The following GCNT2 variants were observed in gnomAD, a reference collection of about 807,000 sequenced individuals.
GCNT2 encodes the protein N-acetyllactosaminide beta-1,6-N-acetylglucosaminyl-transferase.
Under a neutral mutation model 34.2 loss-of-function variants are expected in GCNT2, and 34 were observed. The ratio of observed to expected loss-of-function variants is 1.00; its 90% CI spans 0.76 to 1.32. GCNT2 has a LOEUF of 1.32. Among genes scored for constraint, GCNT2 ranks in the 40% most tolerant of loss-of-function variants. The pLI is 0.00. For missense variants in GCNT2, 584 were observed against 489.4 expected (o/e 1.19, Z -1.82); for synonymous variants, 212 against 188.0 (o/e 1.13, Z -1.04).
At chr6:10,544,974 A>AAATG (rs1762207069) in intron 3 of GCNT2, among the ~76,000 whole-genome samples, 1 of 151,692 alleles carries the variant, frequency 6.6e-6, no homozygotes, top group Admixed American at 6.6e-5. Context: ...ATAAATAAAT[A>AAATG]AATAAATGAG....
At chr6:10,625,653 C>T (rs944177090) in intron 4 of GCNT2, among the ~76,000 whole-genome samples, 6 of 152,234 alleles carry the variant, frequency 3.9e-5, no homozygotes, top group Admixed American at 2.6e-4. Context: ...CCATAAAGAT[C>T]TCTCCCACCT....
intron 3 of GCNT2, among the ~76,000 whole-genome samples, chr6:10,543,769 G>A (rs941218144): frequency 3.9e-5 from 6 of 152,128 alleles, no homozygotes; most frequent in Non-Finnish European, 5.9e-5. Flanking sequence ...CCCTTTGGAC[G>A]TTATTTCTTT....
intron 3 of GCNT2, among the ~76,000 whole-genome samples, chr6:10,606,269 C>T (rs1372541037): frequency 6.6e-6 from 1 of 152,174 alleles, no homozygotes; most frequent in African/African-American, 2.4e-5. Context: ...GAGCCAAGAT[C>T]ACGCTATTGC....
rs920021453 is a variant in GCNT2, at chr6:10,602,644, G to C, written c.926-18707G>C. Among the ~76,000 whole-genome samples the C allele has an allele frequency of 2.8e-5, 4 of 142,190 alleles. No individual in the cohort carries two copies. The East Asian group carries it at 5.8e-4, about 21-fold the overall frequency. 93.3% of individuals were successfully genotyped at this position (142,190 alleles called of 152,430 possible). ...TTTGACCTGTCTCGGTTTGCAAATA[G>C]GGGTTAAAATTAAACAAGAGTCGTA... is the stretch of plus-strand genomic sequence containing the variant. On this transcript the variant is annotated intron_variant, in intron 3 of 4. Coordinates refer to ENST00000495262, the MANE Select transcript of GCNT2 (RefSeq NM_145649.5).
At chr6:10,587,119 C>T (rs1489899037) in intron 3 of GCNT2, among the ~76,000 whole-genome samples, 2 of 152,186 alleles carry the variant, frequency 1.3e-5, no homozygotes, top group Admixed American at 6.5e-5. Flanking sequence ...TGGCTGCAGT[C>T]GCCCCAGCAA....
intron 3 of GCNT2, among the ~76,000 whole-genome samples, chr6:10,620,151 C>T (rs1765968863): frequency 2.0e-5 from 3 of 152,168 alleles, no homozygotes; most frequent in Admixed American, 2.0e-4. Context: ...TTTGTCTGTT[C>T]TGCATGTGTG....
chr6:10,522,905 C>G (rs1219737754), intron 1 of GCNT2, among the ~76,000 whole-genome samples: 1 of 152,184 alleles, frequency 6.6e-6, no homozygotes, highest in Admixed American at 6.5e-5. Flanking sequence ...TCCAGGGTAA[C>G]TTTCTGCAAC....
intron 3 of GCNT2, among the ~76,000 whole-genome samples, chr6:10,617,476 C>T (rs946403250): frequency 3.3e-5 from 5 of 152,194 alleles, no homozygotes; most frequent in African/African-American, 7.2e-5. Flanking sequence ...AGTGCAGCCG[C>T]GGGCTGAAGG....
chr6:10,560,334 G>A (rs1762919090), intron 3 of GCNT2, among the ~76,000 whole-genome samples: 1 of 152,128 alleles, frequency 6.6e-6, no homozygotes, highest in African/African-American at 2.4e-5. Context: ...CAGGCGATCC[G>A]CCCACCTCGG....
At chr6:10,608,997 A>G (rs920408721) in intron 3 of GCNT2, among the ~76,000 whole-genome samples, 2 of 152,222 alleles carry the variant, frequency 1.3e-5, no homozygotes, top group African/African-American at 4.8e-5. Context: ...ATTGTTGTCA[A>G]GGGACAATAG....
At chr6:10,537,111 T>A (rs1761798940) in intron 3 of GCNT2, among the ~76,000 whole-genome samples, 1 of 152,172 alleles carries the variant, frequency 6.6e-6, no homozygotes, top group African/African-American at 2.4e-5. Flanking sequence ...AGGTGGTAAA[T>A]GGCCTGACAG....
At chr6:10,617,929 A>T (rs1212872448) in intron 3 of GCNT2, among the ~76,000 whole-genome samples, 1 of 151,452 alleles carries the variant, frequency 6.6e-6, no homozygotes, top group South Asian at 2.1e-4. Flanking sequence ...TAATTTTTGT[A>T]TCTTTAGTAG....
chr6:10,586,157 G>T, intron 3 of GCNT2: 3 of 1,614,176 alleles, frequency 1.9e-6, no homozygotes, highest in Non-Finnish European at 2.5e-6. Context: ...TAGAGAAAAT[G>T]CCAGTCTTTT....
intron 3 of GCNT2, among the ~76,000 whole-genome samples, chr6:10,576,106 G>A (rs1313029542): frequency 6.6e-6 from 1 of 152,182 alleles, no homozygotes; most frequent in East Asian, 1.9e-4. Flanking sequence ...CTGACCTCAG[G>A]TGATCTGCCT....
At chr6:10,557,181 C>G (rs766359774) in intron 3 of GCNT2, 79 of 1,552,800 alleles carry the variant, frequency 5.1e-5, no homozygotes, top group Admixed American at 1.4e-4. Flanking sequence ...CCGCCTCCCC[C>G]CCATAATCTC....
chr6:10,614,644 A>G (rs9379611), intron 3 of GCNT2, among the ~76,000 whole-genome samples: 63,302 of 143,850 alleles, frequency 0.44, 15,757 homozygotes, highest in East Asian at 0.64. Flanking sequence ...AAAAAAAAAA[A>G]AGAGAAAAAG....
chr6:10,592,523 G>C (rs1426610170), intron 3 of GCNT2, among the ~76,000 whole-genome samples: 1 of 152,116 alleles, frequency 6.6e-6, no homozygotes, highest in Non-Finnish European at 1.5e-5. Flanking sequence ...ACCTTAGGCA[G>C]GTTATAAAGT....
intron 3 of GCNT2, among the ~76,000 whole-genome samples, chr6:10,538,408 C>CAAAAAAAAAA (rs70991023): frequency 2.5e-5 from 1 of 40,190 alleles, no homozygotes; most frequent in Non-Finnish European, 4.3e-5. Context: ...GACTCCGTCT[C>CAAAAAAAAAA]AAAAAAAAAA....
At chr6:10,533,045 G>A (rs1381085069) in intron 3 of GCNT2, among the ~76,000 whole-genome samples, 1 of 151,156 alleles carries the variant, frequency 6.6e-6, no homozygotes, top group African/African-American at 2.4e-5. Context: ...GGTGGCTCAC[G>A]CCTGTAATCC....
Sources: gnomAD v4.1 joint callset for allele counts (sites outside exome capture counted in the v4.1 genomes callset) on GRCh38, gnomAD v4.1.1 for gene constraint, MANE v1.5 for transcripts, NCBI Gene and HGNC (gene_info 2026-07-23, HGNC 2026-07-21) for gene names.